RAP2A: variants seen among roughly 807,000 people sequenced by gnomAD.
RAP2A encodes the protein RAP2A, member of RAS oncogene family, also known as ras-related protein Rap-2a.
In RAP2A, 5 loss-of-function variants were observed where a neutral mutation model predicts 15.1. The ratio of observed to expected loss-of-function variants is 0.33; its 90% CI spans 0.17 to 0.70. The LOEUF is 0.70. Among genes scored for constraint, RAP2A ranks in the 30% least tolerant of loss-of-function variants. The pLI is 0.68. For missense variants in RAP2A, 111 were observed against 240.3 expected, an observed-to-expected ratio of 0.46 and a Z score of 3.56; for synonymous variants, 110 against 99.7, an observed-to-expected ratio of 1.10 and a Z score of -0.62.
At chr13:97,435,959 A>AC (rs1250015442) in intron 1 of RAP2A, 6 of 152,324 alleles carry the variant, frequency 3.9e-5, no homozygotes, top group African/African-American at 1.4e-4. Context: ...AAGAGCAAGG[A>AC]CCAAGTTATG....
In RAP2A at chr13:97,467,428, C is replaced by G. The variant is rs1490042942; in HGVS notation, c.*2986C>G. The G allele has an allele frequency of 6.6e-6, 1 of 152,558 alleles. No individual in the cohort carries two copies. Among genetic ancestry groups the G allele is most frequent in the Non-Finnish European group, 1.5e-5 (1 of 68,036 alleles). 9.5% of individuals were successfully genotyped at this position (152,558 alleles called of 1,614,324 possible). ...CCATCACCTTTCTGTGGTAATACTA[C>G]TGATATTTGCTTTTCTATATAAAGA... is the stretch of plus-strand genomic sequence containing the variant. On this transcript the variant is annotated 3_prime_UTR_variant, in exon 2 of 2. Transcript: ENST00000245304.
intron 1 of RAP2A, among the ~76,000 whole-genome samples, chr13:97,447,085 T>G (rs2066682957): frequency 6.6e-6 from 1 of 152,142 alleles, no homozygotes; most frequent in Non-Finnish European, 1.5e-5. Flanking sequence ...TAAAAAAAAT[T>G]TATTGAAGAT....
chr13:97,435,486 AACACCACC>A (rs1426334921), intron 1 of RAP2A, among the ~76,000 whole-genome samples: 11 of 149,776 alleles, frequency 7.3e-5, no homozygotes, highest in Middle Eastern at 3.4e-3. Context: ...AAAAAAAAAA[AACACCACC>A]ACACCACCAC....
At chr13:97,438,141 T>G (rs898991838) in intron 1 of RAP2A, among the ~76,000 whole-genome samples, 10 of 152,178 alleles carry the variant, frequency 6.6e-5, no homozygotes, top group African/African-American at 2.4e-4. Context: ...AACTAGAATT[T>G]TTTTCTGATT....
At chr13:97,446,429 G>A (rs530509256) in intron 1 of RAP2A, among the ~76,000 whole-genome samples, 12 of 152,272 alleles carry the variant, frequency 7.9e-5, no homozygotes, top group African/African-American at 2.9e-4. Context: ...ATGTTGCTCA[G>A]TTTTGAAAGA....
intron 1 of RAP2A, among the ~76,000 whole-genome samples, chr13:97,455,998 C>A (rs574025547): frequency 2.0e-5 from 3 of 151,332 alleles, no homozygotes; most frequent in Non-Finnish European, 4.4e-5. Flanking sequence ...CCACTCTCTT[C>A]GGGACTGAGG....
chr13:97,453,945 C>CAAA (rs1269289200), intron 1 of RAP2A, among the ~76,000 whole-genome samples: 1 of 151,268 alleles, frequency 6.6e-6, no homozygotes, highest in Non-Finnish European at 1.5e-5. Flanking sequence ...TCTACATCCT[C>CAAA]TTCAGTGAAA....
At chr13:97,439,859 A>C (rs944740899) in intron 1 of RAP2A, among the ~76,000 whole-genome samples, 12 of 152,186 alleles carry the variant, frequency 7.9e-5, no homozygotes, top group African/African-American at 2.9e-4. Flanking sequence ...ATTGGGAAAA[A>C]GATAGTTGAC....
chr13:97,443,514 A>C (rs2066666555), intron 1 of RAP2A, among the ~76,000 whole-genome samples: 1 of 152,134 alleles, frequency 6.6e-6, no homozygotes, highest in South Asian at 2.1e-4. Flanking sequence ...CAGCCATCTG[A>C]ATAGCTAGGA....
intron 1 of RAP2A, chr13:97,436,152 C>G (rs2066633382): frequency 1.3e-5 from 2 of 152,240 alleles, no homozygotes; most frequent in East Asian, 1.9e-4. Context: ...TAGAATAAAG[C>G]AGATATTTTC....
At position 97,464,797 on chromosome 13, in the gene RAP2A, C is replaced by T; in HGVS notation, c.*355C>T. 5.1e-6 allele frequency: 1 copy of T among 195,598 alleles called. No individual in the cohort carries two copies. The highest frequency in any genetic ancestry group is 1.0e-5 in the Non-Finnish European group (1 of 96,562). The allele number at this position is 195,598 out of a possible 1,614,324, so 12.1% of individuals were successfully genotyped here. ...CCATAAGGGAGAAACCAGAAGAATT[C>T]CTCTGACCACTTACAATTAAAATAT... On this transcript the variant is annotated 3_prime_UTR_variant, in exon 2 of 2. Coordinates refer to ENST00000245304, the MANE Select transcript of RAP2A (RefSeq NM_021033.7).
At chr13:97,464,174 A>G (rs750565512) in intron 1 of RAP2A, 31 bp from the exon 2 acceptor site, 3 of 1,606,856 alleles carry the variant, frequency 1.9e-6, no homozygotes, top group Admixed American at 3.3e-5. Context: ...AACTGTTACA[A>G]TGTATGTGTG....
intron 1 of RAP2A, chr13:97,436,052 C>T (rs570084498): frequency 1.2e-4 from 18 of 152,318 alleles, no homozygotes; most frequent in African/African-American, 4.1e-4. Flanking sequence ...GGCTCTCTCT[C>T]TATTGCTCCA....
intron 1 of RAP2A, 103 bp downstream of exon 1, chr13:97,434,887 T>C (rs1594320468): frequency 5.4e-6 from 8 of 1,483,022 alleles, no homozygotes; most frequent in Middle Eastern, 3.8e-4. Context: ...TTCTGGGGGG[T>C]GGCTCCAAGC....
chr13:97,463,692 C>T (rs2066758003), intron 1 of RAP2A, among the ~76,000 whole-genome samples: 1 of 152,126 alleles, frequency 6.6e-6, no homozygotes, highest in Non-Finnish European at 1.5e-5. Flanking sequence ...CAGGTTCAAG[C>T]GATTCTCCTG....
chr13:97,442,354 T>C (rs1199303563), intron 1 of RAP2A, among the ~76,000 whole-genome samples: 1 of 152,086 alleles, frequency 6.6e-6, no homozygotes, highest in Non-Finnish European at 1.5e-5. Flanking sequence ...CATACCAAAA[T>C]TTATATTTAG....
At chr13:97,447,193 C>T (rs1368490271) in intron 1 of RAP2A, among the ~76,000 whole-genome samples, 1 of 152,200 alleles carries the variant, frequency 6.6e-6, no homozygotes, top group Non-Finnish European at 1.5e-5. Context: ...TGACCACTCT[C>T]ACCCATGCAT....
At chr13:97,459,278 G>T (rs2066736745) in intron 1 of RAP2A, among the ~76,000 whole-genome samples, 1 of 151,668 alleles carries the variant, frequency 6.6e-6, no homozygotes, top group African/African-American at 2.4e-5. Flanking sequence ...AAGAAATGAT[G>T]AAAAGGGGGA....
intron 1 of RAP2A, among the ~76,000 whole-genome samples, chr13:97,445,975 T>G (rs1354932186): frequency 6.6e-6 from 1 of 152,188 alleles, no homozygotes. Flanking sequence ...GAAATTTATT[T>G]TATTGCTTGC....
Sources: gnomAD v4.1 joint callset for allele counts (sites outside exome capture counted in the v4.1 genomes callset) on GRCh38, gnomAD v4.1.1 for gene constraint, MANE v1.5 for transcripts, NCBI Gene and HGNC (gene_info 2026-07-23, HGNC 2026-07-21) for gene names.